The following MROH7 variants were observed in gnomAD, a reference collection of about 807,000 sequenced individuals.
MROH7 encodes the protein maestro heat-like repeat-containing protein family member 7.
Under a neutral mutation model 129.2 loss-of-function variants are expected in MROH7, and 113 were observed. The observed-to-expected ratio is 0.87, with a 90% CI of 0.75 to 1.02. The LOEUF is 1.02. MROH7 is among the 50% of genes least tolerant of loss of function. The pLI is 0.00. For missense variants in MROH7, 1,601 were observed against 1,671.3 expected (o/e 0.96, Z 0.73); for synonymous variants, 655 against 667.9 (o/e 0.98, Z 0.30).
chr1:54,658,944 G>A (rs1383279848), intron 3 of MROH7, among the ~76,000 whole-genome samples: 1 of 152,216 alleles, frequency 6.6e-6, no homozygotes, highest in Non-Finnish European at 1.5e-5. Context: ...GTTCCATGGG[G>A]GTTGGGGGGA....
At chr1:54,699,175 CTT>C (rs1302725881) in intron 17 of MROH7, 1 of 127,782 alleles carries the variant, frequency 7.8e-6, no homozygotes, top group East Asian at 2.3e-4. Context: ...TTCTTTCTTT[CTT>C]TCTTTCTTTC....
Position 54,695,630 on chromosome 1 carries a change from T to A in MROH7, c.2964+140T>A, listed in dbSNP as rs139901945. On this transcript the variant is annotated intron_variant, in intron 17 of 23. Transcript: ENST00000421030. ...GCATGACTTCTCTTGACTATGATGA[T>A]CTTGTTGGTCTCCCTCCCTCCCCTC... 2.0e-4 allele frequency: 145 copies of A among 712,074 alleles called. 1 individual carries two copies. In the African/African-American group the frequency reaches 2.2e-3, roughly 11 times the overall value. 44.1% of individuals were successfully genotyped at this position (712,074 alleles called of 1,614,324 possible).
At position 54,703,217 on chromosome 1, in the gene MROH7, G is replaced by A. The variant is rs530635502; in HGVS notation, c.3564+472G>A. 6.6e-6 allele frequency among the ~76,000 whole-genome samples: 1 copy of A among 152,204 alleles called. No individual in the cohort carries two copies. The highest frequency in any genetic ancestry group is 1.9e-4 in the East Asian group (1 of 5,176). On this transcript the variant is annotated intron_variant, in intron 21 of 23. Coordinates refer to ENST00000421030, the MANE Select transcript of MROH7 (RefSeq NM_001039464.4). This position sits in a 1 kb window ranked among gnomAD's most constrained non-coding sequence, Gnocchi z 4.4. ...TTAGGCTATTGGCCCAGCCACCCAAGGGGTCTCCCAGCCTTTAACTCCATC... is the reference window on the plus strand; with the variant it reads ...TTAGGCTATTGGCCCAGCCACCCAAAGGGTCTCCCAGCCTTTAACTCCATC...
chr1:54,663,727 C>T, intron 3 of MROH7: 1 of 424,780 alleles, frequency 2.4e-6, no homozygotes, highest in South Asian at 1.7e-5. Flanking sequence ...CTTTTGTGTC[C>T]CTTTGACATT....
intron 4 of MROH7, among the ~76,000 whole-genome samples, chr1:54,666,027 G>A (rs1410891931): frequency 6.6e-6 from 1 of 152,170 alleles, no homozygotes; most frequent in Non-Finnish European, 1.5e-5. Context: ...TCTCACACAC[G>A]CCAAACTCAT....
intron 10 of MROH7, among the ~76,000 whole-genome samples, chr1:54,677,830 G>A (rs751673865): frequency 1.2e-4 from 19 of 152,136 alleles, no homozygotes; most frequent in Non-Finnish European, 2.5e-4. Context: ...CACAGGAGTG[G>A]GGAAAAGAGA....
At chr1:54,646,277 G>C (rs1644466026) in intron 1 of MROH7, among the ~76,000 whole-genome samples, 2 of 152,240 alleles carry the variant, frequency 1.3e-5, no homozygotes, top group South Asian at 4.1e-4. Context: ...TCCAGGTATG[G>C]AGAAGGGATT....
intron 15 of MROH7, among the ~76,000 whole-genome samples, chr1:54,690,971 G>A (rs1056061001): frequency 5.3e-5 from 8 of 152,200 alleles, no homozygotes; most frequent in South Asian, 2.1e-4. Context: ...AGGAGCATAT[G>A]CAGGAGGCTC....
chr1:54,675,369 T>C (rs1644964519), intron 10 of MROH7, among the ~76,000 whole-genome samples: 1 of 152,230 alleles, frequency 6.6e-6, no homozygotes, highest in Non-Finnish European at 1.5e-5. Flanking sequence ...GCACTTGTCA[T>C]GTAGTTCACT....
chr1:54,656,276 C>T (rs1346525141), intron 3 of MROH7, among the ~76,000 whole-genome samples: 3 of 150,638 alleles, frequency 2.0e-5, no homozygotes, highest in African/African-American at 7.3e-5. Flanking sequence ...CTTTGGGAGG[C>T]TGTGGTGGGC....
At chr1:54,687,317 C>A (rs1215400014) in intron 15 of MROH7, among the ~76,000 whole-genome samples, 1 of 152,120 alleles carries the variant, frequency 6.6e-6, no homozygotes, top group Non-Finnish European at 1.5e-5. Flanking sequence ...TCAGGCGATC[C>A]ACCCGCCTCA....
At chr1:54,679,654 G>T (rs1645037618) in intron 12 of MROH7, among the ~76,000 whole-genome samples, 1 of 152,192 alleles carries the variant, frequency 6.6e-6, no homozygotes. Context: ...CAACTGACTT[G>T]GTGGTGGGTA....
chr1:54,652,076 T>C (rs1316077590), intron 2 of MROH7, 93 bp downstream of exon 2: 1 of 152,502 alleles, frequency 6.6e-6, no homozygotes, highest in Non-Finnish European at 1.5e-5. Flanking sequence ...GCAGTTAGAT[T>C]GCTGTGTTAA....
At chr1:54,706,101 A>T (rs1645529366) in intron 21 of MROH7, among the ~76,000 whole-genome samples, 1 of 152,032 alleles carries the variant, frequency 6.6e-6, no homozygotes, top group African/African-American at 2.4e-5. Context: ...TATACCTTGA[A>T]TCCTTCACCC....
intron 1 of MROH7, among the ~76,000 whole-genome samples, chr1:54,646,395 G>A (rs1045880867): frequency 1.3e-5 from 2 of 152,076 alleles, no homozygotes; most frequent in African/African-American, 2.4e-5. Flanking sequence ...TTATGCTGTC[G>A]GCAGATCTGT....
intron 22 of MROH7, among the ~76,000 whole-genome samples, chr1:54,708,501 A>C (rs1485521776): frequency 2.6e-5 from 4 of 152,208 alleles, no homozygotes; most frequent in Non-Finnish European, 4.4e-5. Context: ...CAAATACTGC[A>C]GGAGCCAGGC....
intron 9 of MROH7, 29 bp from the exon 10 acceptor site, chr1:54,673,987 C>A: frequency 6.2e-7 from 1 of 1,611,656 alleles, no homozygotes; most frequent in Non-Finnish European, 8.5e-7. Context: ...ACCTATAACA[C>A]TCAATCCCTA....
intron 16 of MROH7, among the ~76,000 whole-genome samples, chr1:54,694,027 A>T: frequency 6.6e-6 from 1 of 152,132 alleles, no homozygotes; most frequent in Non-Finnish European, 1.5e-5. Flanking sequence ...GATCACAGGC[A>T]TGCGCCACCA....
intron 21 of MROH7, among the ~76,000 whole-genome samples, chr1:54,704,379 G>T (rs1322558890): frequency 6.6e-6 from 1 of 151,996 alleles, no homozygotes; most frequent in Non-Finnish European, 1.5e-5. Context: ...TCACCGTGCA[G>T]GCCCTTCTCT....
Sources: allele counts gnomAD v4.1 joint callset (sites outside exome capture counted in the v4.1 genomes callset), GRCh38; gene constraint gnomAD v4.1.1; non-coding constraint Gnocchi (gnomAD v3.1); transcripts MANE v1.5; gene names NCBI Gene and HGNC (gene_info 2026-07-23, HGNC 2026-07-21).